The following SPATS2 variants were observed in gnomAD, a reference collection of about 807,000 sequenced individuals.
SPATS2 encodes the protein spermatogenesis associated serine rich 2.
Under a neutral mutation model 63.7 loss-of-function variants are expected in SPATS2, and 38 were observed. The ratio of observed to expected loss-of-function variants is 0.60; its 90% CI spans 0.46 to 0.78. SPATS2 has a LOEUF of 0.78. Among genes scored for constraint, SPATS2 ranks in the 30% least tolerant of loss-of-function variants. The pLI, the probability that SPATS2 is intolerant of heterozygous loss-of-function variation, is 0.00. For missense variants in SPATS2, 588 were observed against 666.2 expected (o/e 0.88, Z 1.29); for synonymous variants, 207 against 232.9 (o/e 0.89, Z 1.01).
chr12:49,432,542 G>A (rs1471965859), intron 2 of SPATS2, among the ~76,000 whole-genome samples: 2 of 152,086 alleles, frequency 1.3e-5, no homozygotes, highest in Non-Finnish European at 2.9e-5. Context: ...ATAACAGATC[G>A]CCCAAAGTTT....
At chr12:49,413,085 G>C (rs984702703) in intron 2 of SPATS2, among the ~76,000 whole-genome samples, 55 of 150,176 alleles carry the variant, frequency 3.7e-4, no homozygotes, top group African/African-American at 1.2e-3. Flanking sequence ...TTGTTCCTTA[G>C]TAAGGAACAA....
chr12:49,489,028 C>A (rs1946341774), intron 4 of SPATS2, among the ~76,000 whole-genome samples: 1 of 152,028 alleles, frequency 6.6e-6, no homozygotes, highest in South Asian at 2.1e-4. Flanking sequence ...TATAAATTAT[C>A]TTTATTTTAC....
intron 6 of SPATS2, 25 bp from the exon 7 acceptor site, chr12:49,494,715 CT>C (rs1472501040): frequency 2.4e-5 from 36 of 1,480,856 alleles, no homozygotes; most frequent in Non-Finnish European, 3.2e-5. Flanking sequence ...CTTTTCTTTT[CT>C]TTTTCAAATT....
chr12:49,397,437 C>T (rs936084713), intron 2 of SPATS2, among the ~76,000 whole-genome samples: 16 of 152,250 alleles, frequency 1.1e-4, no homozygotes, highest in Middle Eastern at 6.8e-3. Context: ...CTCCATTAGA[C>T]TGTAAGCTAG....
At chr12:49,498,559 C>CT (rs971846805) in intron 8 of SPATS2, among the ~76,000 whole-genome samples, 2 of 151,888 alleles carry the variant, frequency 1.3e-5, no homozygotes, top group Non-Finnish European at 2.9e-5. Context: ...TTTTTAAAGT[C>CT]TTTTTTCTCT....
Position 49,487,194 on chromosome 12 carries a change from A to G in SPATS2, c.106-2271A>G, listed in dbSNP as rs372871001. 5.3e-5 allele frequency among the ~76,000 whole-genome samples: 8 copies of G among 152,128 alleles called. No individual in the cohort carries two copies. The East Asian group carries it at 1.2e-3, about 22-fold the overall frequency. Reference sequence around the variant, plus strand: ...CCACACAGTAAGAATATTGTGTTCAAAAGTCAGTGGGGCCAGGCGCGATGG... The same window carrying G: ...CCACACAGTAAGAATATTGTGTTCAGAAGTCAGTGGGGCCAGGCGCGATGG... On this transcript the variant is annotated intron_variant, in intron 4 of 13. Transcript: ENST00000552918.
At position 49,500,210 on chromosome 12, in the gene SPATS2, T is replaced by C. The variant is rs375376616; in HGVS notation, c.839+5T>C. The C allele has an allele frequency of 2.3e-4, 373 of 1,589,880 alleles. No homozygotes were observed. Among genetic ancestry groups the C allele is most frequent in the Non-Finnish European group, 3.1e-4 (362 of 1,173,762 alleles). On this transcript the variant is annotated splice_donor_5th_base_variant and intron_variant, in intron 9 of 13. Transcript: ENST00000552918. ...CTTTGCTGAATTGGAGAGCTGGTAA[T>C]TTAAGCTGCATTTGATATCAGTAGC...
intron 2 of SPATS2, among the ~76,000 whole-genome samples, chr12:49,441,450 C>G (rs1013024033): frequency 2.6e-5 from 4 of 152,114 alleles, no homozygotes; most frequent in Non-Finnish European, 4.4e-5. Flanking sequence ...CTATTTTCTC[C>G]TTAAGTGGGC....
intron 2 of SPATS2, among the ~76,000 whole-genome samples, chr12:49,408,092 T>C (rs1259200384): frequency 1.3e-5 from 2 of 152,218 alleles, no homozygotes; most frequent in African/African-American, 4.8e-5. Flanking sequence ...TAAAAAGTTA[T>C]TAGTTATTAG....
At chr12:49,371,758 G>A (rs943363592) in intron 2 of SPATS2, among the ~76,000 whole-genome samples, 4 of 152,020 alleles carry the variant, frequency 2.6e-5, no homozygotes, top group Non-Finnish European at 5.9e-5. Context: ...GAGAGGTGGG[G>A]GGAAGTGCTA....
intron 8 of SPATS2, among the ~76,000 whole-genome samples, chr12:49,498,790 A>ATTTTTT (rs147335434): frequency 2.2e-4 from 21 of 95,058 alleles, no homozygotes; most frequent in Admixed American, 3.4e-4. Flanking sequence ...TATGGTATCT[A>ATTTTTT]TTTTTTTTTT....
rs1375365283 is a variant in SPATS2 at position 49,442,058 on chromosome 12, A to G, written c.-243-18712A>G. Among the ~76,000 whole-genome samples the G allele has an allele frequency of 4.6e-5, 7 of 152,214 alleles. No homozygotes were observed. The East Asian group carries it at 1.2e-3, about 25-fold the overall frequency. On this transcript the variant is annotated intron_variant, in intron 2 of 13. Transcript: ENST00000552918. ...AAAATGTTCAAGAATTGAATGCACAACTCTGACTCCACATTGCCATTGAGT... is the reference window on the plus strand; with the variant it reads ...AAAATGTTCAAGAATTGAATGCACAGCTCTGACTCCACATTGCCATTGAGT...
intron 2 of SPATS2, among the ~76,000 whole-genome samples, chr12:49,443,388 TA>T (rs1945457819): frequency 6.6e-6 from 1 of 152,248 alleles, no homozygotes; most frequent in Non-Finnish European, 1.5e-5. Flanking sequence ...AAATTGACCA[TA>T]AATGTGAGGA....
chr12:49,481,697 A>G (rs951490383), intron 3 of SPATS2, among the ~76,000 whole-genome samples: 6 of 151,832 alleles, frequency 4.0e-5, no homozygotes, highest in African/African-American at 1.5e-4. Context: ...TCCTTACCTC[A>G]AGTGATCCGC....
At chr12:49,409,890 A>G (rs1944766666) in intron 2 of SPATS2, among the ~76,000 whole-genome samples, 7 of 152,028 alleles carry the variant, frequency 4.6e-5, no homozygotes, top group Admixed American at 4.6e-4. Flanking sequence ...GGCATGACCC[A>G]CCAGGCCCAG....
chr12:49,476,908 C>T (rs1375521326), intron 3 of SPATS2, among the ~76,000 whole-genome samples: 1 of 152,182 alleles, frequency 6.6e-6, no homozygotes, highest in Non-Finnish European at 1.5e-5. Context: ...GAGTTTGAAA[C>T]CAGCCTGACC....
rs149123741 is a variant in SPATS2, at chr12:49,442,543, G to C, written c.-243-18227G>C. 9.3e-3 allele frequency: 1,459 copies of C among 156,354 alleles called. 8 individuals are homozygous for C. The highest frequency in any genetic ancestry group is 0.016 in the Non-Finnish European group (1,076 of 68,144). The allele number at this position is 156,354 out of a possible 1,614,324, so 9.7% of individuals were successfully genotyped here. A position where few individuals can be genotyped will look rare whatever the true frequency, so the allele number is the denominator to read the frequency against. ...TTGTCCTGTTTTCCCTTTGCTACCA[G>C]TTTTGCTTTTTGTTTGTGCTTTTTT... On this transcript the variant is annotated intron_variant, in intron 2 of 13. Transcript: ENST00000552918.
intron 2 of SPATS2, among the ~76,000 whole-genome samples, chr12:49,375,512 T>G (rs1446583150): frequency 6.6e-6 from 1 of 152,206 alleles, no homozygotes; most frequent in Non-Finnish European, 1.5e-5. Flanking sequence ...AGCCCACTGC[T>G]GGCTCTTCCT....
intron 6 of SPATS2, among the ~76,000 whole-genome samples, chr12:49,492,282 C>T (rs1015779556): frequency 3.3e-5 from 5 of 151,192 alleles, no homozygotes; most frequent in South Asian, 4.2e-4. Flanking sequence ...TGCCGTGGCG[C>T]GATCTCGGCT....
Sources: allele counts gnomAD v4.1 joint callset (sites outside exome capture counted in the v4.1 genomes callset), GRCh38; gene constraint gnomAD v4.1.1; transcripts MANE v1.5; gene names NCBI Gene and HGNC (gene_info 2026-07-23, HGNC 2026-07-21).